The following JARID2 variants were observed in gnomAD, a reference collection of about 807,000 sequenced individuals.
JARID2 encodes the protein protein Jumonji.
JARID2 carries 21 observed loss-of-function variants against 125.6 expected under a neutral mutation model. The observed-to-expected ratio is 0.17, with a 90% confidence interval of 0.12 to 0.24. The LOEUF is 0.24. Among genes scored for constraint, JARID2 ranks in the 10% least tolerant of loss-of-function variants. The probability of loss-of-function intolerance (pLI) is 1.00; values close to 1 mark genes in which losing one functional copy is unlikely to be tolerated. For synonymous variants in JARID2, 736 were observed against 661.6 expected, an observed-to-expected ratio of 1.11 and a Z score of -1.73; for missense variants, 1,303 against 1,639.6, an observed-to-expected ratio of 0.79 and a Z score of 3.55.
At chr6:15,320,660 G>C (rs752217737) in intron 1 of JARID2, among the ~76,000 whole-genome samples, 4 of 152,142 alleles carry the variant, frequency 2.6e-5, no homozygotes, top group Admixed American at 6.5e-5. Flanking sequence ...TCTAATCAGG[G>C]ATCCTTCTTT....
intron 1 of JARID2, among the ~76,000 whole-genome samples, chr6:15,266,795 G>A (rs1760100213): frequency 6.6e-6 from 1 of 152,152 alleles, no homozygotes; most frequent in Non-Finnish European, 1.5e-5. Context: ...CATGACCCCA[G>A]GAGACCTCGC....
At chr6:15,447,151 C>T (rs1275812204) in intron 3 of JARID2, among the ~76,000 whole-genome samples, 2 of 152,072 alleles carry the variant, frequency 1.3e-5, no homozygotes, top group African/African-American at 2.4e-5. Flanking sequence ...ACATCTATTC[C>T]CTCACCCCCA....
intron 3 of JARID2, among the ~76,000 whole-genome samples, chr6:15,444,029 T>C (rs1767558021): frequency 6.6e-6 from 1 of 152,210 alleles, no homozygotes; most frequent in South Asian, 2.1e-4. Flanking sequence ...GTGCTGCAAA[T>C]ATTTAATATC....
At chr6:15,277,466 C>T (rs1464423701) in intron 1 of JARID2, among the ~76,000 whole-genome samples, 1 of 152,054 alleles carries the variant, frequency 6.6e-6, no homozygotes, top group African/African-American at 2.4e-5. Context: ...TACCCCTGTA[C>T]CCCAAGTTAT....
intron 2 of JARID2, among the ~76,000 whole-genome samples, chr6:15,384,777 C>T (rs900532564): frequency 1.3e-5 from 2 of 152,152 alleles, no homozygotes; most frequent in Non-Finnish European, 2.9e-5. Flanking sequence ...CAGTGTTGCC[C>T]ATGCTGGTCT....
intron 1 of JARID2, among the ~76,000 whole-genome samples, chr6:15,330,009 C>G (rs1346900074): frequency 6.6e-6 from 1 of 152,200 alleles, no homozygotes; most frequent in Non-Finnish European, 1.5e-5. Flanking sequence ...TGTGATTAAA[C>G]TTGACATTCA....
intron 12 of JARID2, chr6:15,509,068 C>T (rs1294882841): frequency 2.3e-6 from 3 of 1,289,362 alleles, no homozygotes; most frequent in Admixed American, 4.6e-5. Flanking sequence ...GTTATGTACC[C>T]TGTGGAGTCT....
chr6:15,298,781 T>G (rs1352064967), intron 1 of JARID2, among the ~76,000 whole-genome samples: 1 of 152,130 alleles, frequency 6.6e-6, no homozygotes, highest in East Asian at 1.9e-4. Flanking sequence ...TAATTGCCTT[T>G]TCCAGTTTCC....
At chr6:15,446,860 C>T (rs957628326) in intron 3 of JARID2, among the ~76,000 whole-genome samples, 9 of 152,122 alleles carry the variant, frequency 5.9e-5, no homozygotes, top group African/African-American at 9.7e-5. Context: ...GTGGAGGTGG[C>T]GTGGCATGAC....
chr6:15,307,608 C>T (rs1761880223), intron 1 of JARID2, among the ~76,000 whole-genome samples: 1 of 152,128 alleles, frequency 6.6e-6, no homozygotes, highest in South Asian at 2.1e-4. Context: ...TCTTCTCCCC[C>T]ACCAGAAAAT....
chr6:15,441,080 G>A (rs536053709), intron 3 of JARID2, among the ~76,000 whole-genome samples: 42 of 152,224 alleles, frequency 2.8e-4, no homozygotes, highest in African/African-American at 1.0e-3. Context: ...TAGATGTTGT[G>A]GGTTTTCTGA....
intron 1 of JARID2, chr6:15,248,764 C>G (rs1454910387): frequency 4.4e-6 from 1 of 228,728 alleles, no homozygotes; most frequent in Non-Finnish European, 7.2e-6. Flanking sequence ...AAGGGACGGG[C>G]TCGGGTGGAA....
chr6:15,394,937 TC>T (rs956284511), intron 2 of JARID2, among the ~76,000 whole-genome samples: 1 of 41,760 alleles, frequency 2.4e-5, no homozygotes, highest in Non-Finnish European at 4.3e-5. Context: ...GTAGAATAAT[TC>T]CTTTTTTTTT....
intron 1 of JARID2, among the ~76,000 whole-genome samples, chr6:15,348,705 A>G (rs1474998338): frequency 6.6e-6 from 1 of 152,204 alleles, no homozygotes; most frequent in Non-Finnish European, 1.5e-5. Context: ...CTGAAACCAT[A>G]CAGGTAAAAA....
At chr6:15,485,775 C>T (rs923991269) in intron 5 of JARID2, among the ~76,000 whole-genome samples, 1 of 152,074 alleles carries the variant, frequency 6.6e-6, no homozygotes, top group African/African-American at 2.4e-5. Flanking sequence ...ACAGTATTTG[C>T]AATTTATAAG....
In JARID2 at chr6:15,507,237, A is replaced by G; in HGVS notation, c.2643A>G (p.Lys881=). Residue 881 remains lysine (K), a synonymous_variant, in exon 10 of 18, where the codon AAA becomes AAG. Transcript: ENST00000341776. ...ACGGCAGTGGATTCCCAGTAGGAAAATCAGAACCCTTTTCGAGGTAACCTG... is the reference window on the plus strand; with the variant it reads ...ACGGCAGTGGATTCCCAGTAGGAAAGTCAGAACCCTTTTCGAGGTAACCTG... ...NTHGSGFPVG[K]SEPFSRHGWN... is the part of the protein sequence containing the mutation. 3 of 1,613,470 alleles carry G rather than the reference A, an allele frequency of 1.9e-6. No individual in the cohort carries two copies. The highest frequency in any genetic ancestry group is 2.5e-6 in the Non-Finnish European group (3 of 1,179,388).
At chr6:15,304,306 C>T (rs1331909253) in intron 1 of JARID2, among the ~76,000 whole-genome samples, 2 of 59,192 alleles carry the variant, frequency 3.4e-5, no homozygotes, top group African/African-American at 1.4e-4. Flanking sequence ...TTGCTGATCC[C>T]CCCCCCCCCC....
chr6:15,445,426 G>A (rs1767631985), intron 3 of JARID2, among the ~76,000 whole-genome samples: 1 of 152,212 alleles, frequency 6.6e-6, no homozygotes, highest in South Asian at 2.1e-4. Flanking sequence ...AATGAAGATT[G>A]ATTTTGGTAA....
At chr6:15,275,150 C>T (rs1760447877) in intron 1 of JARID2, among the ~76,000 whole-genome samples, 1 of 152,140 alleles carries the variant, frequency 6.6e-6, no homozygotes, top group African/African-American at 2.4e-5. Flanking sequence ...TTTGATCTCT[C>T]CTTGCAAAAT....
Sources: allele counts gnomAD v4.1 joint callset (sites outside exome capture counted in the v4.1 genomes callset), GRCh38; gene constraint gnomAD v4.1.1; transcripts MANE v1.5; gene names NCBI Gene and HGNC (gene_info 2026-07-23, HGNC 2026-07-21).